The following SEMA3A variants were observed in gnomAD, a reference collection of about 807,000 sequenced individuals.
The protein encoded by SEMA3A is semaphorin 3A.
A neutral mutation model predicts 97.9 loss-of-function variants in SEMA3A; 29 were observed. The ratio of observed to expected loss-of-function variants is 0.30; its 90% CI spans 0.22 to 0.40. The LOEUF (loss-of-function observed/expected upper bound fraction) is 0.40. SEMA3A is among the 10% of genes least tolerant of loss of function. The pLI is 1.00. For synonymous variants in SEMA3A, 321 were observed against 323.7 expected (o/e 0.99, Z 0.09); for missense variants, 763 against 951.3 (o/e 0.80, Z 2.60).
At chr7:84,472,537 TTC>T (rs1201285785) in intron 1 of SEMA3A, among the ~76,000 whole-genome samples, 1 of 152,216 alleles carries the variant, frequency 6.6e-6, no homozygotes, top group African/African-American at 2.4e-5. Flanking sequence ...GTGTCTTGTT[TTC>T]TGTTTTTCAG....
rs187264329 is a variant in SEMA3A, at chr7:84,359,247, T to C, written c.-169+12577A>G. Among the ~76,000 whole-genome samples the C allele has an allele frequency of 7.7e-3, 1,168 of 152,164 alleles. 14 individuals carry two copies. Among genetic ancestry groups the C allele is most frequent in the African/African-American group, 0.027 (1,105 of 41,504 alleles). ...TCCAAGGGAATGCTTCCAGTTTTTG[T>C]CCATTCAGTATGATATTGGCTGTGG... On this transcript the variant is annotated intron_variant, in intron 2 of 3. Coordinates refer to the SEMA3A transcript ENST00000424555.
intron 6 of SEMA3A, among the ~76,000 whole-genome samples, chr7:84,029,605 T>C (rs1048428056): frequency 6.6e-6 from 1 of 152,164 alleles, no homozygotes; most frequent in South Asian, 2.1e-4. Context: ...ATATTGTAAA[T>C]GTATTCATCC....
At chr7:84,326,515 TA>T (rs1018227838) in intron 2 of SEMA3A, among the ~76,000 whole-genome samples, 8 of 152,098 alleles carry the variant, frequency 5.3e-5, no homozygotes, top group South Asian at 2.1e-4. Context: ...AATTTCCTTG[TA>T]AAAAATTGAA....
At chr7:84,011,418 T>TAA in intron 7 of SEMA3A, 121 bp from the exon 8 acceptor site, 2 of 686,378 alleles carry the variant, frequency 2.9e-6, no homozygotes, top group Non-Finnish European at 5.0e-6. Context: ...TAAAAGTTCC[T>TAA]AATCATTTTA....
chr7:83,983,259 CTTTT>C (rs149972034), intron 13 of SEMA3A, among the ~76,000 whole-genome samples: 90 of 143,494 alleles, frequency 6.3e-4, no homozygotes, highest in African/African-American at 2.3e-3. Context: ...TTCTTTCTTT[CTTTT>C]TCTTTCACAG....
chr7:84,370,549 T>G (rs1802948980), intron 2 of SEMA3A, among the ~76,000 whole-genome samples: 1 of 151,868 alleles, frequency 6.6e-6, no homozygotes, highest in South Asian at 2.1e-4. Context: ...AACATCTTGG[T>G]TGCTCTGTTG....
chr7:84,368,081 T>C (rs536087830), intron 2 of SEMA3A, among the ~76,000 whole-genome samples: 5 of 151,368 alleles, frequency 3.3e-5, no homozygotes, highest in African/African-American at 1.2e-4. Flanking sequence ...ATAGGTGCTA[T>C]AGAAATTAAA....
At chr7:84,364,381 T>A (rs1584266956) in intron 2 of SEMA3A, among the ~76,000 whole-genome samples, 3 of 151,786 alleles carry the variant, frequency 2.0e-5, no homozygotes, top group East Asian at 3.9e-4. Context: ...ATAAAACTTT[T>A]AATTGTGTTA....
At chr7:84,063,135 T>G (rs377042241) in intron 4 of SEMA3A, among the ~76,000 whole-genome samples, 323 of 151,632 alleles carry the variant, frequency 2.1e-3, no homozygotes, top group South Asian at 4.6e-3. Flanking sequence ...AACCTAACTG[T>G]GAGGCACCCC....
At chr7:84,336,777 C>T (rs1481192898) in intron 2 of SEMA3A, among the ~76,000 whole-genome samples, 1 of 152,110 alleles carries the variant, frequency 6.6e-6, no homozygotes, top group Non-Finnish European at 1.5e-5. Context: ...TATATATCTT[C>T]ATGCATACAC....
chr7:83,969,356 C>CAA (rs5885387), intron 15 of SEMA3A, among the ~76,000 whole-genome samples: 15,750 of 151,762 alleles, frequency 0.1, 959 homozygotes, highest in Non-Finnish European at 0.14. Flanking sequence ...TCTATATTGC[C>CAA]AAAAAAAATC....
At chr7:84,261,685 A>T (rs1197729068) in intron 3 of SEMA3A, among the ~76,000 whole-genome samples, 1 of 152,280 alleles carries the variant, frequency 6.6e-6, no homozygotes, top group African/African-American at 2.4e-5. Flanking sequence ...CAGAGACCAG[A>T]TCCAATGCTC....
At chr7:84,425,467 A>ATATATTTATATAAAAATATAATTATATG (rs1562943618) in intron 1 of SEMA3A, among the ~76,000 whole-genome samples, 1 of 139,432 alleles carries the variant, frequency 7.2e-6, no homozygotes, top group East Asian at 2.1e-4. Flanking sequence ...ATAAATATAT[A>ATATATTTATATAAAAATATAATTATATG]CATATATTTA....
chr7:84,096,874 C>A (rs1175656222), intron 4 of SEMA3A, among the ~76,000 whole-genome samples: 1 of 152,062 alleles, frequency 6.6e-6, no homozygotes, highest in African/African-American at 2.4e-5. Context: ...AATTATTATA[C>A]ATTTCTAGAA....
At chr7:83,985,690 C>T (rs1402271481) in intron 12 of SEMA3A, among the ~76,000 whole-genome samples, 1 of 152,156 alleles carries the variant, frequency 6.6e-6, no homozygotes, top group African/African-American at 2.4e-5. Flanking sequence ...GTCATACAGT[C>T]TACATACCTG....
chr7:84,313,186 T>C (rs1041411913), intron 2 of SEMA3A, among the ~76,000 whole-genome samples: 23 of 145,688 alleles, frequency 1.6e-4, no homozygotes, highest in African/African-American at 5.0e-4. Flanking sequence ...GACTTAAAGC[T>C]GTCATTGATA....
chr7:84,025,557 C>T (rs1317364680), intron 6 of SEMA3A, among the ~76,000 whole-genome samples: 1 of 152,114 alleles, frequency 6.6e-6, no homozygotes, highest in Non-Finnish European at 1.5e-5. Context: ...ATAGAATAAC[C>T]TCTGGCTGCC....
intron 1 of SEMA3A, among the ~76,000 whole-genome samples, chr7:84,446,269 A>G (rs1024967747): frequency 1.1e-4 from 17 of 152,214 alleles, no homozygotes; most frequent in Admixed American, 1.0e-3. Context: ...ATTCTACCAA[A>G]TATTTAAAGA....
chr7:84,492,462 C>T (rs1806759302), exon 1 of SEMA3A: 1 of 152,118 alleles, frequency 6.6e-6, no homozygotes, highest in Non-Finnish European at 1.5e-5. Flanking sequence ...CCACTTACTG[C>T]CTTTGTTGTC....
Sources: gnomAD v4.1 joint callset for allele counts (sites outside exome capture counted in the v4.1 genomes callset) on GRCh38, gnomAD v4.1.1 for gene constraint, MANE v1.5 for transcripts, NCBI Gene and HGNC (gene_info 2026-07-23, HGNC 2026-07-21) for gene names.